Variants in MBD5 observed in about 807,000 individuals in gnomAD.
MBD5 encodes the protein methyl-CpG-binding domain protein 5.
Under a neutral mutation model 117.3 loss-of-function variants are expected in MBD5, and 13 were observed. That is an observed-to-expected ratio of 0.11 (90% confidence interval 0.07 to 0.18). The LOEUF is 0.18. Ranked by LOEUF, MBD5 falls within the 10% of genes least tolerant of loss-of-function variation. MBD5 has a pLI of 1.00. For missense variants in MBD5, 1,879 were observed against 2,093.8 expected, an observed-to-expected ratio of 0.90 and a Z score of 2.00; for synonymous variants, 727 against 766.4, an observed-to-expected ratio of 0.95 and a Z score of 0.85.
chr2:148,337,188 G>T (rs148533434), intron 3 of MBD5, among the ~76,000 whole-genome samples: 2 of 151,922 alleles, frequency 1.3e-5, no homozygotes, highest in Non-Finnish European at 2.9e-5. Context: ...CTAGTAGCCC[G>T]TACCTTATTT....
At chr2:148,151,717 G>C (rs1697673918) in intron 1 of MBD5, among the ~76,000 whole-genome samples, 1 of 152,176 alleles carries the variant, frequency 6.6e-6, no homozygotes, top group African/African-American at 2.4e-5. Context: ...AGATTTTCTA[G>C]TTGATTTGTG....
At chr2:148,423,768 G>A (rs1167611524) in intron 4 of MBD5, among the ~76,000 whole-genome samples, 1 of 152,146 alleles carries the variant, frequency 6.6e-6, no homozygotes, top group Non-Finnish European at 1.5e-5. Context: ...ATTGGATGAA[G>A]AGTCAAGACC....
At chr2:148,465,600 T>G (rs1707235862) in intron 7 of MBD5, among the ~76,000 whole-genome samples, 2 of 152,076 alleles carry the variant, frequency 1.3e-5, no homozygotes, top group Non-Finnish European at 2.9e-5. Flanking sequence ...ATAGTAGGAT[T>G]TAGACATATA....
intron 3 of MBD5, among the ~76,000 whole-genome samples, chr2:148,253,719 G>A (rs1029514109): frequency 6.6e-6 from 1 of 152,144 alleles, no homozygotes; most frequent in African/African-American, 2.4e-5. Flanking sequence ...TCAAGGAATT[G>A]TAGACAGTTT....
At chr2:148,031,469 A>G (rs1172858512) in intron 1 of MBD5, among the ~76,000 whole-genome samples, 1 of 152,154 alleles carries the variant, frequency 6.6e-6, no homozygotes, top group Non-Finnish European at 1.5e-5. Context: ...AGGTAAAGAC[A>G]AAGCTTCCAA....
chr2:148,396,901 T>C (rs1268995695), intron 4 of MBD5, among the ~76,000 whole-genome samples: 1 of 152,188 alleles, frequency 6.6e-6, no homozygotes, highest in African/African-American at 2.4e-5. Flanking sequence ...CATGTCCTTA[T>C]AGATAAATTT....
chr2:148,515,489 C>G lies in MBD5; in HGVS notation c.*2548C>G, dbSNP rs1219864495. The G allele has an allele frequency of 6.6e-6, 1 of 152,108 alleles. No individual in the cohort carries two copies. Among genetic ancestry groups the G allele is most frequent in the African/African-American group, 2.4e-5 (1 of 41,420 alleles). 9.4% of individuals were successfully genotyped at this position (152,108 alleles called of 1,614,324 possible). ...AATATTGTTAGCATTACAGGTCATA[C>G]AGTGCTGTAACATTTTTTTAAATGT... is the stretch of plus-strand genomic sequence containing the variant. On this transcript the variant is annotated 3_prime_UTR_variant, in exon 14 of 14. Transcript: ENST00000642680.
At chr2:148,189,378 A>G (rs557533664) in intron 2 of MBD5, among the ~76,000 whole-genome samples, 3,986 of 151,162 alleles carry the variant, frequency 0.026, 256 homozygotes, top group African/African-American at 0.093. Flanking sequence ...TGAAGAGAGC[A>G]GTGGTTCTCC....
Position 148,242,427 on chromosome 2 carries a change from G to A in MBD5, c.-680+9032G>A, listed in dbSNP as rs577356934. ...ATTATCACATCAAGAAGAATTAACT[G>A]CAATTCTGAGGAAATATAGAAAAAT... On this transcript the variant is annotated intron_variant, in intron 3 of 13. Coordinates refer to ENST00000642680, the MANE Select transcript of MBD5 (RefSeq NM_001378120.1). Among the ~76,000 whole-genome samples the A allele has an allele frequency of 1.2e-4, 18 of 152,082 alleles. No homozygotes were observed. In the South Asian group the frequency reaches 3.1e-3, roughly 26 times the overall value.
At chr2:148,424,023 A>C (rs1430367497) in intron 4 of MBD5, among the ~76,000 whole-genome samples, 1 of 151,504 alleles carries the variant, frequency 6.6e-6, no homozygotes, top group Non-Finnish European at 1.5e-5. Flanking sequence ...CTAAAAATAC[A>C]AAAAATTACC....
intron 3 of MBD5, among the ~76,000 whole-genome samples, chr2:148,267,683 A>G (rs980320054): frequency 1.3e-4 from 20 of 152,202 alleles, no homozygotes; most frequent in African/African-American, 4.8e-4. Context: ...TAAATAATAC[A>G]TAGTGTTCTT....
At chr2:148,041,097 G>T (rs1347529096) in intron 1 of MBD5, 1 of 152,360 alleles carries the variant, frequency 6.6e-6, no homozygotes, top group East Asian at 1.9e-4. Flanking sequence ...GGGACTAAAG[G>T]CTCATGCCAC....
intron 11 of MBD5, among the ~76,000 whole-genome samples, chr2:148,494,840 G>A (rs1054649479): frequency 2.0e-5 from 3 of 152,144 alleles, no homozygotes; most frequent in African/African-American, 7.2e-5. Context: ...GCGGGTGCCT[G>A]TAGTCCCAGC....
chr2:148,329,928 T>G (rs1201036298), intron 3 of MBD5, among the ~76,000 whole-genome samples: 1 of 151,936 alleles, frequency 6.6e-6, no homozygotes, highest in Non-Finnish European at 1.5e-5. Flanking sequence ...CTGCTTTGAG[T>G]TTACCAAATA....
chr2:148,037,046 C>T lies in MBD5; in HGVS notation c.-925+15362C>T, dbSNP rs78295392. Among the ~76,000 whole-genome samples the T allele has an allele frequency of 1.1e-3, 173 of 151,984 alleles. 2 individuals carry two copies. In the East Asian group the frequency reaches 0.028, roughly 25 times the overall value. ...TAATTTCAAATTTATAATTTATGCT[C>T]ATAATTGCTTAAGACGTAGGGTTTT... On this transcript the variant is annotated intron_variant, in intron 1 of 13. Coordinates refer to ENST00000642680, the MANE Select transcript of MBD5 (RefSeq NM_001378120.1).
chr2:148,137,256 T>C (rs1558940992), intron 1 of MBD5, among the ~76,000 whole-genome samples: 1 of 152,200 alleles, frequency 6.6e-6, no homozygotes, highest in Non-Finnish European at 1.5e-5. Context: ...CTGAAACTTT[T>C]TCATAATGTT....
At chr2:148,140,997 C>G (rs972568931) in intron 1 of MBD5, among the ~76,000 whole-genome samples, 1 of 152,032 alleles carries the variant, frequency 6.6e-6, no homozygotes, top group African/African-American at 2.4e-5. Context: ...TTCTCGAACT[C>G]CTGGGCTCAA....
chr2:148,486,398 G>A (rs910237039), intron 10 of MBD5, among the ~76,000 whole-genome samples: 2 of 152,126 alleles, frequency 1.3e-5, no homozygotes, highest in African/African-American at 4.8e-5. Context: ...AATCCACATA[G>A]GGAGAAAATA....
At chr2:148,189,459 A>AGCAGCCTAACTGGGAG (rs1342994022) in intron 2 of MBD5, among the ~76,000 whole-genome samples, 1 of 140,180 alleles carries the variant, frequency 7.1e-6, no homozygotes, top group Non-Finnish European at 1.5e-5. Flanking sequence ...GTGACCCCCG[A>AGCAGCCTAACTGGGAG]GCAGCCTAAC....
Sources: gnomAD v4.1 joint callset for allele counts (sites outside exome capture counted in the v4.1 genomes callset) on GRCh38, gnomAD v4.1.1 for gene constraint, MANE v1.5 for transcripts, NCBI Gene and HGNC (gene_info 2026-07-23, HGNC 2026-07-21) for gene names.